Variants in SLC39A8 observed in about 807,000 individuals in gnomAD.
SLC39A8 encodes the protein metal cation symporter ZIP8.
Under a neutral mutation model 40.4 loss-of-function variants are expected in SLC39A8, and 15 were observed. That is an observed-to-expected ratio of 0.37 (90% CI 0.25 to 0.57). The LOEUF is 0.57. Ranked by LOEUF, SLC39A8 falls within the 20% of genes least tolerant of loss-of-function variation. The pLI is 0.75. For synonymous variants in SLC39A8, 223 were observed against 221.6 expected, an observed-to-expected ratio of 1.01 and a Z score of -0.06; for missense variants, 472 against 558.8, an observed-to-expected ratio of 0.84 and a Z score of 1.57.
chr4:102,296,837 GA>G (rs965488911), intron 6 of SLC39A8, among the ~76,000 whole-genome samples: 2 of 152,102 alleles, frequency 1.3e-5, no homozygotes, highest in Non-Finnish European at 2.9e-5. Flanking sequence ...ACAGGGAGGG[GA>G]GGGGCTCCAG....
At chr4:102,264,526 G>A (rs1010117449) in intron 8 of SLC39A8, among the ~76,000 whole-genome samples, 1 of 152,162 alleles carries the variant, frequency 6.6e-6, no homozygotes, top group African/African-American at 2.4e-5. Context: ...AATGGTAAAT[G>A]ATCACTGACC....
chr4:102,262,224 TA>T lies in SLC39A8; in HGVS notation c.*819del. On this transcript the variant is annotated 3_prime_UTR_variant, in exon 9 of 9. Coordinates refer to ENST00000356736, the MANE Select transcript of SLC39A8 (RefSeq NM_001135146.2). ...TCCAATTTCTTTCTCTAAACCAACA[TA>T]TTCTTCACCTTCACAAAGCAAACAC... The T allele has an allele frequency of 1.0e-6, 1 of 985,990 alleles. No homozygotes were observed. The highest frequency in any genetic ancestry group is 4.7e-5 in the South Asian group (1 of 21,288). The allele number at this position is 985,990 out of a possible 1,614,324, so 61.1% of individuals were successfully genotyped here. A position where few individuals can be genotyped will look rare whatever the true frequency, so the allele number is the denominator to read the frequency against.
At chr4:102,318,692 C>G (rs1458182653) in intron 2 of SLC39A8, among the ~76,000 whole-genome samples, 31 of 152,192 alleles carry the variant, frequency 2.0e-4, no homozygotes, top group Non-Finnish European at 1.3e-4. Flanking sequence ...ACAAGCACAC[C>G]CTTTCACCTC....
intron 2 of SLC39A8, among the ~76,000 whole-genome samples, chr4:102,331,395 G>C (rs757263029): frequency 2.0e-5 from 3 of 152,020 alleles, no homozygotes; most frequent in Admixed American, 2.0e-4. Flanking sequence ...GAGCCAAATC[G>C]TGAGTGAACT....
intron 6 of SLC39A8, among the ~76,000 whole-genome samples, chr4:102,276,364 C>T (rs1277899436): frequency 6.6e-5 from 10 of 152,114 alleles, no homozygotes; most frequent in African/African-American, 1.9e-4. Context: ...AACACTTCTA[C>T]GCAAATAAAC....
At chr4:102,271,938 A>G (rs1191490287) in intron 6 of SLC39A8, among the ~76,000 whole-genome samples, 1 of 152,124 alleles carries the variant, frequency 6.6e-6, no homozygotes, top group East Asian at 1.9e-4. Flanking sequence ...AAGCCAAGAG[A>G]TAACACCCTG....
chr4:102,320,168 CATATATATATAT>C (rs70937533), intron 2 of SLC39A8, among the ~76,000 whole-genome samples: 6 of 101,936 alleles, frequency 5.9e-5, no homozygotes, highest in Admixed American at 3.5e-4. Flanking sequence ...TATATATATA[CATATATATATAT>C]ATATATATAT....
intron 6 of SLC39A8, among the ~76,000 whole-genome samples, chr4:102,273,333 G>T (rs1251311145): frequency 6.6e-6 from 1 of 152,198 alleles, no homozygotes. Flanking sequence ...CCTCCAGGAA[G>T]TTCAAACTGA....
intron 2 of SLC39A8, among the ~76,000 whole-genome samples, chr4:102,339,452 C>CA (rs1735818065): frequency 6.6e-6 from 1 of 152,088 alleles, no homozygotes; most frequent in Non-Finnish European, 1.5e-5. Flanking sequence ...ACAGGCAATG[C>CA]AAAAAACATG....
rs1553913398 is a variant in SLC39A8 at position 102,285,626 on chromosome 4, A to AGG, written c.841-17549_841-17548dup. ...TAGAGACAAATAAATATTATAGATG[A>AGG]GGGTGTGTGTGTGTGTGTGTGCATG... is the stretch of plus-strand genomic sequence containing the variant. On this transcript the variant is annotated intron_variant, in intron 6 of 8. Transcript: ENST00000356736. Among the ~76,000 whole-genome samples, 531 of 79,198 alleles carry AGG rather than the reference A, an allele frequency of 6.7e-3. 10 individuals carry two copies. The highest frequency in any genetic ancestry group is 0.018 in the African/African-American group (495 of 27,588). The allele number at this position is 79,198 out of a possible 152,430, so 52.0% of individuals were successfully genotyped here.
At chr4:102,331,279 C>T (rs1180839748) in intron 2 of SLC39A8, among the ~76,000 whole-genome samples, 2 of 152,150 alleles carry the variant, frequency 1.3e-5, no homozygotes, top group Non-Finnish European at 2.9e-5. Context: ...AAAACCCCAT[C>T]GTCTCAGCCC....
intron 6 of SLC39A8, among the ~76,000 whole-genome samples, chr4:102,268,370 A>T (rs1732199469): frequency 6.6e-6 from 1 of 152,242 alleles, no homozygotes; most frequent in Admixed American, 6.5e-5. Context: ...TGCCTTTCTA[A>T]AATGTAGCAG....
chr4:102,285,881 T>C (rs530608515), intron 6 of SLC39A8, among the ~76,000 whole-genome samples: 4 of 152,268 alleles, frequency 2.6e-5, no homozygotes, highest in South Asian at 2.1e-4. Flanking sequence ...ATTTCATTTA[T>C]TACAATAAAA....
Position 102,276,881 on chromosome 4 carries a change from C to CA in SLC39A8, c.841-8803dup, listed in dbSNP as rs1471595303. On this transcript the variant is annotated intron_variant, in intron 6 of 8. Coordinates refer to ENST00000356736, the MANE Select transcript of SLC39A8 (RefSeq NM_001135146.2). ...TCCGTCACATAAACAGAACCAATGA[C>CA]AAAAAACACATGATTATCTCGATAG... Among the ~76,000 whole-genome samples, 118 of 152,130 alleles carry CA rather than the reference C, an allele frequency of 7.8e-4. 1 individual carries two copies. The highest frequency in any genetic ancestry group is 3.4e-3 in the Middle Eastern group (1 of 294).
chr4:102,322,537 C>T (rs1368946454), intron 2 of SLC39A8, among the ~76,000 whole-genome samples: 1 of 152,182 alleles, frequency 6.6e-6, no homozygotes, highest in Non-Finnish European at 1.5e-5. Context: ...ACACTTCTTC[C>T]TGTTCTCCAC....
At chr4:102,288,189 T>C (rs1247770715) in intron 6 of SLC39A8, among the ~76,000 whole-genome samples, 7 of 152,180 alleles carry the variant, frequency 4.6e-5, no homozygotes, top group Non-Finnish European at 1.0e-4. Context: ...CTGTGCCACA[T>C]TTTGGCAATT....
chr4:102,252,246 T>A (rs774593442), exon 12 of SLC39A8: 1 of 152,356 alleles, frequency 6.6e-6, no homozygotes, highest in Non-Finnish European at 1.5e-5. Flanking sequence ...CAGGTCTGTC[T>A]GTTTGGGCTT....
chr4:102,279,472 T>C (rs1173347637), intron 6 of SLC39A8, among the ~76,000 whole-genome samples: 2 of 152,108 alleles, frequency 1.3e-5, no homozygotes, highest in African/African-American at 4.8e-5. Context: ...CCGATAGTCC[T>C]GGTCAAGGGA....
At chr4:102,254,226 C>T (rs910166703) in intron 11 of SLC39A8, among the ~76,000 whole-genome samples, 3 of 152,198 alleles carry the variant, frequency 2.0e-5, no homozygotes, top group Admixed American at 2.0e-4. Flanking sequence ...TCCATGTTCT[C>T]TAACATAACA....
Sources: allele counts gnomAD v4.1 joint callset (sites outside exome capture counted in the v4.1 genomes callset), GRCh38; gene constraint gnomAD v4.1.1; transcripts MANE v1.5; gene names NCBI Gene and HGNC (gene_info 2026-07-23, HGNC 2026-07-21).